The following DCC variants were observed in gnomAD, a reference collection of about 807,000 sequenced individuals.
The protein encoded by DCC is DCC netrin 1 receptor, also known as netrin receptor DCC.
A neutral mutation model predicts 172.5 loss-of-function variants in DCC; 58 were observed. The ratio of observed to expected loss-of-function variants is 0.34; its 90% CI spans 0.27 to 0.42. The LOEUF (loss-of-function observed/expected upper bound fraction) is 0.42, where lower values mean the gene tolerates loss of function less well. Among genes scored for constraint, DCC ranks in the 10% least tolerant of loss-of-function variants. DCC has a pLI of 1.00. For missense variants in DCC, 1,740 were observed against 1,791.0 expected (o/e 0.97, Z 0.51); for synonymous variants, 709 against 644.5 (o/e 1.10, Z -1.52).
intron 5 of DCC, among the ~76,000 whole-genome samples, chr18:52,951,179 G>A (rs117446085): frequency 0.028 from 4,198 of 152,146 alleles, 96 homozygotes; most frequent in Non-Finnish European, 0.039. Flanking sequence ...GTGGGCAGGA[G>A]TGGCACTGAC....
chr18:53,397,308 T>G lies in DCC; in HGVS notation c.2689T>G (p.Ser897Ala). 1 of 1,613,456 alleles carries G rather than the reference T, an allele frequency of 6.2e-7. No individual in the cohort carries two copies. Among genetic ancestry groups the G allele is most frequent in the Non-Finnish European group, 8.5e-7 (1 of 1,179,498 alleles). Residue 897 changes from serine to alanine, a missense_variant and splice_region_variant, in exon 18 of 29, where the codon TCA (serine) becomes GCA (alanine). Ser to Ala is a moderately conservative substitution (Grantham distance 99). Around this residue, in one of 2 missense-constraint regions of DCC, gnomAD observed 1,732 missense variants for 1,767.4 expected, o/e 0.98. Coordinates refer to ENST00000442544, the MANE Select transcript of DCC (RefSeq NM_005215.4). ...TCTTTGCTATTTCCTACTTGTATAG[T>G]CAGAAGACACAACATCTCTAAGTTA... ...TSFSASAKYK[S>A]EDTTSLSYTA...
intron 1 of DCC, among the ~76,000 whole-genome samples, chr18:52,511,558 G>A (rs968213121): frequency 1.3e-5 from 2 of 152,058 alleles, no homozygotes; most frequent in African/African-American, 4.8e-5. Context: ...GGACCTGGGG[G>A]GCAGAGGAGT....
chr18:53,260,776 G>A (rs991436133), intron 12 of DCC, among the ~76,000 whole-genome samples: 2 of 152,252 alleles, frequency 1.3e-5, no homozygotes, highest in Middle Eastern at 3.4e-3. Flanking sequence ...GCTGCCTTTT[G>A]TTTGTCTATG....
At chr18:52,407,143 C>G (rs1373438044) in intron 1 of DCC, among the ~76,000 whole-genome samples, 1 of 151,978 alleles carries the variant, frequency 6.6e-6, no homozygotes, top group Non-Finnish European at 1.5e-5. Flanking sequence ...TTATTAACAA[C>G]CACTTATTTT....
At chr18:52,342,035 G>A in intron 1 of DCC, among the ~76,000 whole-genome samples, 1 of 152,192 alleles carries the variant, frequency 6.6e-6, no homozygotes. Context: ...CCTCCCCGGA[G>A]TCCGCAGCTC....
chr18:52,388,029 T>C (rs545687901), intron 1 of DCC, among the ~76,000 whole-genome samples: 156 of 152,078 alleles, frequency 1.0e-3, no homozygotes, highest in Non-Finnish European at 1.8e-3. Flanking sequence ...AATCACATCG[T>C]GGTCTATGTG....
intron 1 of DCC, among the ~76,000 whole-genome samples, chr18:52,482,633 C>T (rs910765333): frequency 1.3e-5 from 2 of 152,036 alleles, no homozygotes; most frequent in African/African-American, 4.8e-5. Flanking sequence ...ATGAGGTTTC[C>T]ACCTTGCACA....
chr18:53,134,157 T>A (rs764509159), intron 7 of DCC, among the ~76,000 whole-genome samples: 1 of 152,278 alleles, frequency 6.6e-6, no homozygotes, highest in South Asian at 2.1e-4. Flanking sequence ...CAGCAAATGA[T>A]ATGTTGCTGT....
chr18:53,309,957 CGT>C (rs71175576), intron 13 of DCC, among the ~76,000 whole-genome samples: 88 of 56,672 alleles, frequency 1.6e-3, no homozygotes, highest in African/African-American at 5.1e-3. Context: ...TGTATATATA[CGT>C]GTGTGTATAT....
At chr18:53,503,636 C>T (rs892261166) in intron 27 of DCC, among the ~76,000 whole-genome samples, 14 of 152,104 alleles carry the variant, frequency 9.2e-5, no homozygotes, top group African/African-American at 2.9e-4. Flanking sequence ...GGGTTTTTTT[C>T]TTCTTTACTA....
intron 2 of DCC, among the ~76,000 whole-genome samples, chr18:52,799,809 C>T: frequency 6.6e-6 from 1 of 152,292 alleles, no homozygotes; most frequent in Non-Finnish European, 1.5e-5. Context: ...CTGTTAATAA[C>T]TAGCAATATA....
chr18:52,989,864 G>A (rs1381590233), intron 5 of DCC, among the ~76,000 whole-genome samples: 1 of 152,160 alleles, frequency 6.6e-6, no homozygotes, highest in Non-Finnish European at 1.5e-5. Flanking sequence ...GACCAGAGAT[G>A]GGGGCTATGG....
At chr18:53,319,428 A>T (rs2057382052) in intron 13 of DCC, among the ~76,000 whole-genome samples, 1 of 152,146 alleles carries the variant, frequency 6.6e-6, no homozygotes, top group African/African-American at 2.4e-5. Context: ...ATTTACCGAG[A>T]AAATGGAAAG....
At chr18:53,016,557 A>G (rs2041809846) in intron 5 of DCC, among the ~76,000 whole-genome samples, 1 of 152,116 alleles carries the variant, frequency 6.6e-6, no homozygotes. Context: ...CACTAGAAAT[A>G]ATGAAACTAA....
chr18:52,715,740 C>CT (rs2036369897), intron 1 of DCC, among the ~76,000 whole-genome samples: 1 of 152,092 alleles, frequency 6.6e-6, no homozygotes, highest in Non-Finnish European at 1.5e-5. Context: ...GGTTCTTGGC[C>CT]ATTCATACAG....
At chr18:53,323,429 G>C (rs2057433424) in intron 14 of DCC, among the ~76,000 whole-genome samples, 1 of 152,160 alleles carries the variant, frequency 6.6e-6, no homozygotes, top group Non-Finnish European at 1.5e-5. Context: ...TTAATTCAAA[G>C]AATGTTTATA....
chr18:52,720,352 T>A (rs1213371569), intron 1 of DCC, among the ~76,000 whole-genome samples: 1 of 152,220 alleles, frequency 6.6e-6, no homozygotes, highest in Non-Finnish European at 1.5e-5. Flanking sequence ...TTGTTAAATT[T>A]TTGAAATTAT....
At chr18:52,610,271 T>G (rs1598954854) in intron 1 of DCC, among the ~76,000 whole-genome samples, 1 of 117,402 alleles carries the variant, frequency 8.5e-6, no homozygotes, top group East Asian at 2.6e-4. Flanking sequence ...TCCCAGCTAC[T>G]TGGGAGGCTA....
chr18:53,302,756 G>A (rs2057155879), intron 12 of DCC, among the ~76,000 whole-genome samples: 1 of 152,086 alleles, frequency 6.6e-6, no homozygotes, highest in Admixed American at 6.6e-5. Flanking sequence ...TAGAATCCTA[G>A]ATTAGAATTG....
Sources: gnomAD v4.1 joint callset for allele counts (sites outside exome capture counted in the v4.1 genomes callset) on GRCh38, gnomAD v4.1.1 for gene constraint, gnomAD v4.1.1 regional missense constraint, MANE v1.5 for transcripts, NCBI Gene and HGNC (gene_info 2026-07-23, HGNC 2026-07-21) for gene names.